The following CALHM4 variants were observed in gnomAD, a reference collection of about 807,000 sequenced individuals.
CALHM4 encodes calcium homeostasis modulator family member 4.
In CALHM4, 16 loss-of-function variants were observed where a neutral mutation model predicts 13.3. That is an observed-to-expected ratio of 1.20 (90% CI 0.81 to 1.82). The LOEUF is 1.82. Among genes scored for constraint, CALHM4 ranks in the 40% most tolerant of loss-of-function variants. CALHM4 has a pLI of 0.00. For synonymous variants in CALHM4, 127 were observed against 137.1 expected (o/e 0.93, Z 0.52); for missense variants, 344 against 374.9 (o/e 0.92, Z 0.68).
chr6:116,555,127 A>G (rs1164293581), intron 1 of CALHM4, among the ~76,000 whole-genome samples: 1 of 152,238 alleles, frequency 6.6e-6, no homozygotes, highest in African/African-American at 2.4e-5. Flanking sequence ...ATTACATTTC[A>G]GAAATGCTAA....
intron 1 of CALHM4, among the ~76,000 whole-genome samples, chr6:116,535,664 G>A (rs1773028773): frequency 6.6e-6 from 1 of 152,084 alleles, no homozygotes; most frequent in South Asian, 2.1e-4. Context: ...AGTAACAGTT[G>A]AATTATCTAA....
At position 116,559,594 on chromosome 6, in the gene CALHM4, C is replaced by T. The variant is rs930469349; in HGVS notation, c.*1383C>T. ...GTAGCTCTTTGCTGGGACAGGAGAA[C>T]TGTCCTGCCCTCACCATTACTCATC... On this transcript the variant is annotated 3_prime_UTR_variant, in exon 2 of 2. Transcript: ENST00000368596. 1.4e-4 allele frequency among the ~76,000 whole-genome samples: 21 copies of T among 152,196 alleles called. No homozygotes were observed. The highest frequency in any genetic ancestry group is 3.9e-4 in the African/African-American group (16 of 41,458).
intron 1 of CALHM4, among the ~76,000 whole-genome samples, chr6:116,532,932 C>T (rs1772832178): frequency 6.6e-6 from 1 of 152,192 alleles, no homozygotes; most frequent in Non-Finnish European, 1.5e-5. Flanking sequence ...ATAATGCAAA[C>T]TAATTATCTC....
chr6:116,555,916 G>A (rs1006350291), intron 1 of CALHM4, among the ~76,000 whole-genome samples: 29 of 152,194 alleles, frequency 1.9e-4, no homozygotes, highest in African/African-American at 6.7e-4. Context: ...ATTGAATGAT[G>A]AGATCCCTTC....
chr6:116,540,166 G>A (rs534849603), intron 1 of CALHM4, among the ~76,000 whole-genome samples: 1 of 152,124 alleles, frequency 6.6e-6, no homozygotes, highest in Non-Finnish European at 1.5e-5. Context: ...AAAATCTATA[G>A]TTGCTTAAAT....
At chr6:116,539,710 C>T (rs915153854) in intron 1 of CALHM4, among the ~76,000 whole-genome samples, 3 of 152,138 alleles carry the variant, frequency 2.0e-5, no homozygotes, top group Non-Finnish European at 4.4e-5. Context: ...ATGAGACTGA[C>T]TTAATTGATC....
intron 1 of CALHM4, among the ~76,000 whole-genome samples, chr6:116,535,210 A>G (rs1275763839): frequency 6.6e-6 from 1 of 152,234 alleles, no homozygotes; most frequent in Non-Finnish European, 1.5e-5. Context: ...ATTCAGAAGA[A>G]TGACAGCTGA....
chr6:116,545,120 TACATACATATATATAC>T (rs1400768049), intron 2 of CALHM4, among the ~76,000 whole-genome samples: 1 of 149,686 alleles, frequency 6.7e-6, no homozygotes, highest in Admixed American at 6.7e-5. Flanking sequence ...TATATATACA[TACATACATATATATAC>T]ATATACATAT....
intron 1 of CALHM4, among the ~76,000 whole-genome samples, chr6:116,529,801 A>G (rs1167607396): frequency 6.6e-6 from 1 of 152,188 alleles, no homozygotes; most frequent in Non-Finnish European, 1.5e-5. Context: ...AGATTGAATG[A>G]AAATAAACAG....
upstream of CALHM4, among the ~76,000 whole-genome samples, chr6:116,552,901 T>C (rs1304619837): frequency 6.6e-6 from 1 of 152,086 alleles, no homozygotes; most frequent in Non-Finnish European, 1.5e-5. Context: ...GGTGAAACCC[T>C]GTCTCTACTA....
intron 1 of CALHM4, chr6:116,543,342 T>C: frequency 1.3e-6 from 2 of 1,549,892 alleles, no homozygotes; most frequent in African/African-American, 2.7e-5. Context: ...ATCCTTCTCA[T>C]AATCCTTACA....
intron 1 of CALHM4, chr6:116,540,568 C>A: frequency 1.9e-6 from 2 of 1,074,642 alleles, no homozygotes; most frequent in South Asian, 1.5e-5. Context: ...AAGTGAATCA[C>A]AAATCAAACC....
rs529433317 is a variant in CALHM4 at position 116,558,667 on chromosome 6, T to C, written c.*456T>C. The C allele has an allele frequency of 4.3e-4, 66 of 153,798 alleles. 1 individual carries two copies. The South Asian group carries it at 9.6e-3, about 22-fold the overall frequency. The allele number at this position is 153,798 out of a possible 1,614,324, so 9.5% of individuals were successfully genotyped here. On this transcript the variant is annotated 3_prime_UTR_variant, in exon 2 of 2. Transcript: ENST00000368596. Reference sequence around the variant, plus strand: ...GCATTCCATGTCTTCTATTCACCATTTTCCCTGCCTCTATTTTCTGGTTTT... The same window carrying C: ...GCATTCCATGTCTTCTATTCACCATCTTCCCTGCCTCTATTTTCTGGTTTT...
At chr6:116,543,545 A>C (rs1423814489) in intron 1 of CALHM4, 1 of 718,566 alleles carries the variant, frequency 1.4e-6, no homozygotes, top group Non-Finnish European at 2.3e-6. Context: ...AACAATTTGC[A>C]CTTTTGAAAA....
rs189946565 is a variant in CALHM4, at chr6:116,559,365, C to T, written c.*1154C>T. ...TAGTCAATCCAATTTTCAAGATTCA[C>T]TTTCAAGGAGACCAAGGAACTTGAC... On this transcript the variant is annotated 3_prime_UTR_variant, in exon 2 of 2. Transcript: ENST00000368596. Among the ~76,000 whole-genome samples, 139 of 152,292 alleles carry T rather than the reference C, an allele frequency of 9.1e-4. No individual in the cohort carries two copies. The highest frequency in any genetic ancestry group is 1.9e-3 in the African/African-American group (79 of 41,570).
chr6:116,532,434 C>T (rs999017966), intron 1 of CALHM4, among the ~76,000 whole-genome samples: 3 of 152,140 alleles, frequency 2.0e-5, no homozygotes, highest in Admixed American at 2.0e-4. Context: ...TTCACTTTAA[C>T]AGTATTTAAT....
upstream of CALHM4, among the ~76,000 whole-genome samples, chr6:116,552,076 A>G (rs62424368): frequency 6.6e-6 from 1 of 152,144 alleles, no homozygotes; most frequent in East Asian, 1.9e-4. Flanking sequence ...TTGCTGTAAT[A>G]TATCCTTTAG....
intron 1 of CALHM4, 149 bp from the exon 2 acceptor site, chr6:116,557,676 C>A: frequency 2.5e-6 from 2 of 789,894 alleles, no homozygotes; most frequent in Non-Finnish European, 4.0e-6. Context: ...ATATCATTAG[C>A]ACGTTGTTGA....
chr6:116,548,468 C>T (rs1049634406), intron 2 of CALHM4, among the ~76,000 whole-genome samples: 4 of 152,214 alleles, frequency 2.6e-5, no homozygotes, highest in East Asian at 1.9e-4. Flanking sequence ...TTAGTTCTTT[C>T]AACAGTAAGC....
Sources: allele counts gnomAD v4.1 joint callset (sites outside exome capture counted in the v4.1 genomes callset), GRCh38; gene constraint gnomAD v4.1.1; transcripts MANE v1.5; gene names NCBI Gene and HGNC (gene_info 2026-07-23, HGNC 2026-07-21).